SNX24: variants seen among roughly 807,000 people sequenced by gnomAD.
The protein encoded by SNX24 is sorting nexin-24.
SNX24 carries 22 observed loss-of-function variants against 28.7 expected under a neutral mutation model. That is an observed-to-expected ratio of 0.77 (90% CI 0.55 to 1.10). The LOEUF (loss-of-function observed/expected upper bound fraction) is 1.10, where lower values mean the gene tolerates loss of function less well. Among genes scored for constraint, SNX24 ranks in the 50% least tolerant of loss-of-function variants. The probability of loss-of-function intolerance (pLI) is 0.00; values close to 1 mark genes in which losing one functional copy is unlikely to be tolerated. For synonymous variants in SNX24, 69 were observed against 71.5 expected (o/e 0.96, Z 0.18); for missense variants, 221 against 201.1 (o/e 1.10, Z -0.60).
Position 122,983,182 on chromosome 5 carries a change from G to A in SNX24, c.250-16730G>A, listed in dbSNP as rs192340528. 8 of 130,808 alleles carry A rather than the reference G, an allele frequency of 6.1e-5. No individual in the cohort carries two copies. In the East Asian group the frequency reaches 1.4e-3, roughly 22 times the overall value. The allele number at this position is 130,808 out of a possible 1,614,324, so 8.1% of individuals were successfully genotyped here. A position where few individuals can be genotyped will look rare whatever the true frequency, so the allele number is the denominator to read the frequency against. On this transcript the variant is annotated intron_variant, in intron 3 of 6. Transcript: ENST00000261369. ...AAGTAAATGAGACATATTCTCAAGT[G>A]AGATTTTTCAGCCTTTTTTTTTTTT...
At chr5:122,870,034 A>C (rs1755903149) in intron 1 of SNX24, among the ~76,000 whole-genome samples, 2 of 152,204 alleles carry the variant, frequency 1.3e-5, no homozygotes, top group South Asian at 4.1e-4. Flanking sequence ...TCAACACCTG[A>C]TTTGCCCTTT....
In SNX24 at chr5:122,868,218, C is replaced by G. The variant is rs373447630; in HGVS notation, c.60+22525C>G. On this transcript the variant is annotated intron_variant, in intron 1 of 6. Transcript: ENST00000261369. ...GTGGGCTACCTCTTCCTGTAACTTA[C>G]TTGTGCCTTTAGGGCCTGCTTGGGT... is the stretch of plus-strand genomic sequence containing the variant. Among the ~76,000 whole-genome samples the G allele has an allele frequency of 1.1e-4, 16 of 152,282 alleles. 2 individuals are homozygous for G. Among genetic ancestry groups the G allele is most frequent in the East Asian group, 3.9e-4 (2 of 5,170 alleles).
In SNX24 at chr5:122,920,938, C is replaced by G. The variant is rs151234369; in HGVS notation, c.61-15796C>G. ...ACAGTATCTCACTATGCTGCACAGG[C>G]TAGTCTCAAACTCCTAACGTCAAGT... is the stretch of plus-strand genomic sequence containing the variant. On this transcript the variant is annotated intron_variant, in intron 1 of 6. Transcript: ENST00000261369. Among the ~76,000 whole-genome samples, 26 of 152,234 alleles carry G rather than the reference C, an allele frequency of 1.7e-4. No individual in the cohort carries two copies. In the East Asian group the frequency reaches 4.6e-3, roughly 27 times the overall value.
chr5:122,851,915 T>C (rs1754936865), intron 1 of SNX24, among the ~76,000 whole-genome samples: 1 of 152,032 alleles, frequency 6.6e-6, no homozygotes, highest in Admixed American at 6.6e-5. Context: ...TTAAAAAGCA[T>C]AACCAAAATG....
chr5:122,962,883 T>G (rs1418126324), intron 3 of SNX24, among the ~76,000 whole-genome samples: 1 of 152,168 alleles, frequency 6.6e-6, no homozygotes, highest in African/African-American at 2.4e-5. Context: ...TCAGCAGTCA[T>G]TAAGTTCAAT....
chr5:122,895,679 C>A (rs926403391), intron 1 of SNX24, among the ~76,000 whole-genome samples: 5 of 152,186 alleles, frequency 3.3e-5, no homozygotes, highest in African/African-American at 1.2e-4. Flanking sequence ...GGCCAGCGTG[C>A]CCTGTGTCAG....
intron 1 of SNX24, among the ~76,000 whole-genome samples, chr5:122,902,381 A>G (rs1253257011): frequency 3.3e-5 from 5 of 152,220 alleles, no homozygotes; most frequent in East Asian, 1.9e-4. Context: ...ATGGAGTTTT[A>G]TTGTTTACAT....
intron 1 of SNX24, among the ~76,000 whole-genome samples, chr5:122,883,846 G>T (rs1325633706): frequency 1.3e-5 from 2 of 152,020 alleles, no homozygotes; most frequent in Non-Finnish European, 2.9e-5. Context: ...GGTGGAGATG[G>T]GTTCTCAATC....
rs766914654 is a variant in SNX24 at position 123,002,007 on chromosome 5, A to G, written c.442+3A>G. On this transcript the variant is annotated splice_donor_region_variant and intron_variant, in intron 6 of 6. Coordinates refer to ENST00000261369, the MANE Select transcript of SNX24 (RefSeq NM_014035.4). ...ATATGTCTTGCCTGCAGCCAGCGGT[A>G]ATCAAACCTGTCATCTGCTAACAGC... 1 of 1,612,448 alleles carries G rather than the reference A, an allele frequency of 6.2e-7. No homozygotes were observed. The highest frequency in any genetic ancestry group is 2.2e-5 in the East Asian group (1 of 44,858).
Position 122,928,751 on chromosome 5 carries a change from G to A in SNX24, c.61-7983G>A, listed in dbSNP as rs564098935. ...AGACTTGAACAGATAAACCAACCAA[G>A]CCCATTGGACTTCTGATCTGTAGTA... On this transcript the variant is annotated intron_variant, in intron 1 of 6. Coordinates refer to ENST00000261369, the MANE Select transcript of SNX24 (RefSeq NM_014035.4). Among the ~76,000 whole-genome samples, 24 of 151,950 alleles carry A rather than the reference G, an allele frequency of 1.6e-4. No homozygotes were observed. In the East Asian group the frequency reaches 1.6e-3, roughly 10 times the overall value.
chr5:122,912,611 T>C (rs1581738323), intron 1 of SNX24, among the ~76,000 whole-genome samples: 1 of 152,324 alleles, frequency 6.6e-6, no homozygotes, highest in African/African-American at 2.4e-5. Flanking sequence ...GGGTTTGTCA[T>C]AGATAGCTCT....
At chr5:122,920,433 G>A (rs1481070777) in intron 1 of SNX24, among the ~76,000 whole-genome samples, 1 of 152,200 alleles carries the variant, frequency 6.6e-6, no homozygotes, top group East Asian at 1.9e-4. Context: ...TATTTTGAAT[G>A]GTACAGTAAG....
At chr5:122,929,580 G>A (rs1022347001) in intron 1 of SNX24, among the ~76,000 whole-genome samples, 5 of 151,970 alleles carry the variant, frequency 3.3e-5, no homozygotes, top group African/African-American at 4.8e-5. Context: ...CATTTGGTCC[G>A]CTTTGTATTT....
chr5:122,985,283 G>C (rs1458885438), intron 3 of SNX24, among the ~76,000 whole-genome samples: 6 of 152,162 alleles, frequency 3.9e-5, no homozygotes, highest in African/African-American at 1.4e-4. Context: ...TGGGCCAGAG[G>C]ATGAGGGGGA....
intron 6 of SNX24, among the ~76,000 whole-genome samples, chr5:123,006,808 A>AT (rs1468108521): frequency 6.6e-6 from 1 of 152,188 alleles, no homozygotes; most frequent in Non-Finnish European, 1.5e-5. Flanking sequence ...GCCTCCTCTG[A>AT]TGAGGCCCAA....
chr5:122,853,720 T>C, intron 1 of SNX24: 1 of 400,648 alleles, frequency 2.5e-6, no homozygotes, highest in African/African-American at 2.0e-5. Flanking sequence ...ACTCCTGGTC[T>C]CAAGCGATCC....
At position 122,887,139 on chromosome 5, in the gene SNX24, A is replaced by G. The variant is rs566842002; in HGVS notation, c.60+41446A>G. Among the ~76,000 whole-genome samples the G allele has an allele frequency of 5.9e-5, 9 of 152,310 alleles. No individual in the cohort carries two copies. The East Asian group carries it at 1.7e-3, about 29-fold the overall frequency. On this transcript the variant is annotated intron_variant, in intron 1 of 6. Coordinates refer to ENST00000261369, the MANE Select transcript of SNX24 (RefSeq NM_014035.4). ...TAATAAAATAAATAAAAATAAGTAG[A>G]TAAGTCAGTAAGTTAGACAGTTATC...
chr5:122,958,795 A>T (rs755971604), intron 3 of SNX24, among the ~76,000 whole-genome samples: 4 of 151,976 alleles, frequency 2.6e-5, no homozygotes, highest in Non-Finnish European at 5.9e-5. Context: ...CCTGAGCTCA[A>T]ACAATCTGCC....
At chr5:122,997,857 G>A (rs954056206) in intron 3 of SNX24, among the ~76,000 whole-genome samples, 3 of 138,568 alleles carry the variant, frequency 2.2e-5, no homozygotes, top group African/African-American at 8.2e-5. Flanking sequence ...ATTGCCTGGG[G>A]TAACAAGTCT....
Sources: allele counts gnomAD v4.1 joint callset (sites outside exome capture counted in the v4.1 genomes callset), GRCh38; gene constraint gnomAD v4.1.1; transcripts MANE v1.5; gene names NCBI Gene and HGNC (gene_info 2026-07-23, HGNC 2026-07-21).